Variants in BPTF observed in about 807,000 individuals in gnomAD.
BPTF encodes nucleosome-remodeling factor subunit BPTF.
A neutral mutation model predicts 292.5 loss-of-function variants in BPTF; 18 were observed. The observed-to-expected ratio is 0.06, with a 90% confidence interval of 0.04 to 0.09. BPTF has a LOEUF of 0.09. Ranked by LOEUF, BPTF falls within the 10% of genes least tolerant of loss-of-function variation. BPTF has a pLI of 1.00. For synonymous variants in BPTF, 1,225 were observed against 1,251.9 expected (o/e 0.98, Z 0.45); for missense variants, 2,726 against 3,498.7 (o/e 0.78, Z 5.57).
chr17:67,846,671 ATAG>A lies in BPTF; in HGVS notation c.614-7263_614-7261del, dbSNP rs2058051637. 2.0e-5 allele frequency among the ~76,000 whole-genome samples: 3 copies of A among 152,242 alleles called. No homozygotes were observed. The South Asian group carries it at 6.2e-4, about 32-fold the overall frequency. On this transcript the variant is annotated intron_variant, in intron 1 of 27. Transcript: ENST00000306378. ...TTAACAATATGGGAGGAAGTCTAAT[ATAG>A]TAGTAAAGACCATAGCTTAGGACTT...
chr17:67,842,196 A>G (rs1277858509), intron 1 of BPTF, among the ~76,000 whole-genome samples: 2 of 152,148 alleles, frequency 1.3e-5, no homozygotes, highest in African/African-American at 4.8e-5. Context: ...GTGTATATCT[A>G]TATGCATACA....
Position 67,911,607 on chromosome 17 carries a change from A to G in BPTF, c.3723A>G (p.Glu1241=). The G allele has an allele frequency of 6.2e-7, 1 of 1,614,154 alleles. No homozygotes were observed. Among genetic ancestry groups the G allele is most frequent in the Non-Finnish European group, 8.5e-7 (1 of 1,180,024 alleles). ...CKNKKPLIQE[E]SDTIVSSSKS... ...ACAAAAAACCGCTCATACAGGAGGA[A>G]AGTGACACCATTGTTTCTTCTTCCA... The change falls in exon 11 of 28, where the codon GAA becomes GAG. Residue 1241 remains glutamate (E), a synonymous_variant. Transcript: ENST00000306378.
intron 1 of BPTF, among the ~76,000 whole-genome samples, chr17:67,837,059 T>C (rs2057187037): frequency 6.6e-6 from 1 of 152,188 alleles, no homozygotes; most frequent in Non-Finnish European, 1.5e-5. Flanking sequence ...ACAGTGGAGA[T>C]TGTTTATGGC....
Position 67,839,504 on chromosome 17 carries a change from A to G in BPTF, c.613+13167A>G, listed in dbSNP as rs557314640. On this transcript the variant is annotated intron_variant, in intron 1 of 27. Transcript: ENST00000306378. Reference sequence around the variant, plus strand: ...GATCCACCCTTACATTCCTGCAGCAAACCTCTCTTGATCCTACTTTTTCAT... The same window carrying G: ...GATCCACCCTTACATTCCTGCAGCAGACCTCTCTTGATCCTACTTTTTCAT... Among the ~76,000 whole-genome samples the G allele has an allele frequency of 1.2e-4, 18 of 152,310 alleles. No homozygotes were observed. The South Asian group carries it at 2.7e-3, about 23-fold the overall frequency.
intron 26 of BPTF, among the ~76,000 whole-genome samples, chr17:67,968,616 G>A (rs12453701): frequency 0.9 from 134,790 of 150,450 alleles, 62,816 homozygotes; most frequent in East Asian, 1. Flanking sequence ...GTGTTAGCCC[G>A]TCTCTACTAA....
At chr17:67,979,380 C>G (rs1467978047) in intron 27 of BPTF, among the ~76,000 whole-genome samples, 1 of 151,058 alleles carries the variant, frequency 6.6e-6, no homozygotes, top group African/African-American at 2.4e-5. Context: ...AACCCTGTCT[C>G]TACTAAAAGT....
chr17:67,826,431 C>A, intron 1 of BPTF, 94 bp downstream of exon 1: 17 of 1,273,138 alleles, frequency 1.3e-5, no homozygotes, highest in Non-Finnish European at 1.7e-5. Flanking sequence ...GCTCCGATCT[C>A]CCCCCAACCC....
At chr17:67,929,181 C>T in intron 16 of BPTF, 155 bp from the exon 17 acceptor site, 1 of 1,395,432 alleles carries the variant, frequency 7.2e-7, no homozygotes. Context: ...CATTATTTTT[C>T]ATCTCCTTTT....
chr17:67,903,711 A>G (rs1466634627), intron 7 of BPTF, 78 bp from the exon 8 acceptor site: 1 of 1,345,330 alleles, frequency 7.4e-7, no homozygotes, highest in Non-Finnish European at 9.9e-7. Flanking sequence ...TTGTTTTCCT[A>G]ATTTTTCAGT....
chr17:67,880,245 T>C (rs1476247671), intron 4 of BPTF, among the ~76,000 whole-genome samples: 3 of 152,196 alleles, frequency 2.0e-5, no homozygotes, highest in Non-Finnish European at 4.4e-5. Flanking sequence ...AACTTTGTCT[T>C]TGTTGACCTT....
At chr17:67,928,213 T>C (rs1480630789) in intron 15 of BPTF, 142 bp from the exon 16 acceptor site, 4 of 936,542 alleles carry the variant, frequency 4.3e-6, no homozygotes, top group Admixed American at 2.9e-5. Flanking sequence ...TATGGACATA[T>C]ATTCTTTTTG....
chr17:67,898,522 C>T (rs978460048), intron 7 of BPTF, among the ~76,000 whole-genome samples: 1 of 152,004 alleles, frequency 6.6e-6, no homozygotes, highest in Non-Finnish European at 1.5e-5. Context: ...GTTACTCAGA[C>T]TGATCTTGAA....
At chr17:67,843,393 A>T (rs1232167997) in intron 1 of BPTF, among the ~76,000 whole-genome samples, 1 of 149,778 alleles carries the variant, frequency 6.7e-6, no homozygotes, top group Non-Finnish European at 1.5e-5. Context: ...TTTAGTAGAG[A>T]TGGGGTTTCA....
intron 7 of BPTF, among the ~76,000 whole-genome samples, chr17:67,900,261 T>G (rs868863531): frequency 5.9e-5 from 9 of 151,910 alleles, no homozygotes; most frequent in Middle Eastern, 3.2e-3. Flanking sequence ...AGTACCACAA[T>G]GCCCGGCTAA....
Position 67,931,939 on chromosome 17 carries a change from G to C in BPTF, c.6179G>C (p.Gly2060Ala), listed in dbSNP as rs2064427176. Reference sequence around the variant, plus strand: ...ATCACAGGGCCTCAGATTCGCCCTGGTATGACCGTGATTAGAACACCACTC... The same window carrying C: ...ATCACAGGGCCTCAGATTCGCCCTGCTATGACCGTGATTAGAACACCACTC... Reference protein sequence around the residue: ...QVITGPQIRPGMTVIRTPLQQ... With the variant: ...QVITGPQIRPAMTVIRTPLQQ... Residue 2060 changes from glycine (G) to alanine (A), a missense_variant, in exon 18 of 28, where the codon GGT becomes GCT. By Grantham distance (60) the Gly-to-Ala change is moderately conservative (BLOSUM62 0). Transcript: ENST00000306378. 1.2e-6 allele frequency: 2 copies of C among 1,613,796 alleles called. No homozygotes were observed. Among genetic ancestry groups the C allele is most frequent in the South Asian group, 2.2e-5 (2 of 91,014 alleles).
chr17:67,859,269 C>G (rs150646787), intron 2 of BPTF, among the ~76,000 whole-genome samples: 2,889 of 152,294 alleles, frequency 0.019, 46 homozygotes, highest in Middle Eastern at 0.031. Flanking sequence ...CCTCAGCCCC[C>G]CTAGGAGCTG....
At chr17:67,905,853 A>AGAACATTTGGACACAGGATGGG (rs1383122947) in intron 9 of BPTF, among the ~76,000 whole-genome samples, 134 of 152,082 alleles carry the variant, frequency 8.8e-4, no homozygotes, top group Middle Eastern at 3.4e-3. Context: ...TTTTTCAGTG[A>AGAACATTTGGACACAGGATGGG]GAACATTTGG....
chr17:67,964,866 G>A (rs1243184610), intron 25 of BPTF, among the ~76,000 whole-genome samples: 1 of 151,688 alleles, frequency 6.6e-6, no homozygotes, highest in Non-Finnish European at 1.5e-5. Context: ...GGGCGTGGTG[G>A]CGGGCGCCTG....
Position 67,915,809 on chromosome 17 carries a change from G to A in BPTF, c.5303+2622G>A, listed in dbSNP as rs141547581. Among the ~76,000 whole-genome samples the A allele has an allele frequency of 1.6e-3, 246 of 152,160 alleles. 1 individual carries two copies. Among genetic ancestry groups the A allele is most frequent in the African/African-American group, 5.7e-3 (235 of 41,520 alleles). Reference sequence around the variant, plus strand: ...TCCTTGAGAACACAGACAGATTCTAGTTTACCTCTGTGTCCCCAGCTCCTT... The same window carrying A: ...TCCTTGAGAACACAGACAGATTCTAATTTACCTCTGTGTCCCCAGCTCCTT... On this transcript the variant is annotated intron_variant, in intron 11 of 27. Transcript: ENST00000306378.
Sources: gnomAD v4.1 joint callset for allele counts (sites outside exome capture counted in the v4.1 genomes callset) on GRCh38, gnomAD v4.1.1 for gene constraint, MANE v1.5 for transcripts, NCBI Gene and HGNC (gene_info 2026-07-23, HGNC 2026-07-21) for gene names.